FBXW7: variants seen among roughly 807,000 people sequenced by gnomAD.
FBXW7 encodes F-box and WD repeat domain containing 7, also known as F-box/WD repeat-containing protein 7.
A neutral mutation model predicts 86.3 loss-of-function variants in FBXW7; 11 were observed. The observed-to-expected ratio is 0.13, with a 90% CI of 0.08 to 0.21. The LOEUF (loss-of-function observed/expected upper bound fraction) is 0.21. Among genes scored for constraint, FBXW7 ranks in the 10% least tolerant of loss-of-function variants. The pLI is 1.00. For missense variants in FBXW7, 488 were observed against 847.4 expected (o/e 0.58, Z 5.27); for synonymous variants, 313 against 297.9 (o/e 1.05, Z -0.52).
intron 2 of FBXW7, among the ~76,000 whole-genome samples, chr4:152,434,965 C>CA (rs1560893695): frequency 6.6e-6 from 1 of 150,452 alleles, no homozygotes; most frequent in Admixed American, 6.6e-5. Context: ...CGCTCCCCCC[C>CA]CCCCACACAC....
intron 2 of FBXW7, among the ~76,000 whole-genome samples, chr4:152,421,585 C>G (rs977274577): frequency 2.0e-5 from 3 of 152,332 alleles, no homozygotes; most frequent in Non-Finnish European, 4.4e-5. Flanking sequence ...TTCCTCTGTA[C>G]TCACAACTTG....
intron 2 of FBXW7, among the ~76,000 whole-genome samples, chr4:152,526,610 A>G (rs1749536934): frequency 6.6e-6 from 1 of 152,222 alleles, no homozygotes; most frequent in Admixed American, 6.5e-5. Context: ...GACACAGATA[A>G]AATTTCCGTT....
Position 152,480,980 on chromosome 4 carries a change from T to C in FBXW7, c.-120+53961A>G, listed in dbSNP as rs976709922. Among the ~76,000 whole-genome samples, 7 of 152,316 alleles carry C rather than the reference T, an allele frequency of 4.6e-5. No individual in the cohort carries two copies. In the East Asian group the frequency reaches 1.3e-3, roughly 29 times the overall value. ...ATCTAACTAAGATCACTGATGAAGG[T>C]GGCTACACTAAACAACAGATTTTCA... On this transcript the variant is annotated intron_variant, in intron 2 of 13. Transcript: ENST00000281708.
Position 152,325,894 on chromosome 4 carries a change from T to C in FBXW7, c.1644+112A>G, listed in dbSNP as rs1049970490. ...CGTATATAAAAACAGCAGAATAATC[T>C]GATTAATCTTTTTTGGACTGTACTG... On this transcript the variant is annotated intron_variant, in intron 12 of 13. Transcript: ENST00000281708. The C allele has an allele frequency of 5.2e-6, 4 of 763,618 alleles. No homozygotes were observed. The African/African-American group carries it at 7.0e-5, about 13-fold the overall frequency. 47.3% of individuals were successfully genotyped at this position (763,618 alleles called of 1,614,324 possible). A position where few individuals can be genotyped will look rare whatever the true frequency, so the allele number is the denominator to read the frequency against.
At chr4:152,516,414 T>C (rs2149722495) in intron 2 of FBXW7, among the ~76,000 whole-genome samples, 1 of 152,312 alleles carries the variant, frequency 6.6e-6, no homozygotes, top group South Asian at 2.1e-4. Context: ...GAGAACCTAA[T>C]GCCTGATGAT....
intron 2 of FBXW7, among the ~76,000 whole-genome samples, chr4:152,504,823 T>C (rs1747266067): frequency 6.6e-6 from 1 of 152,204 alleles, no homozygotes; most frequent in Non-Finnish European, 1.5e-5. Flanking sequence ...AACAATTTTT[T>C]TTATAAATTA....
At chr4:152,434,712 C>T (rs1398724278) in intron 2 of FBXW7, among the ~76,000 whole-genome samples, 3 of 151,940 alleles carry the variant, frequency 2.0e-5, no homozygotes, top group East Asian at 3.9e-4. Flanking sequence ...AGACAAAAAT[C>T]GTTAAAGAGA....
chr4:152,454,783 T>A (rs1480915653), intron 2 of FBXW7, among the ~76,000 whole-genome samples: 4 of 152,140 alleles, frequency 2.6e-5, no homozygotes, highest in African/African-American at 9.7e-5. Flanking sequence ...AAGATAAGGA[T>A]AAAGACTGAA....
chr4:152,332,497 A>G (rs771083486), intron 8 of FBXW7, 99 bp downstream of exon 8: 10 of 1,195,388 alleles, frequency 8.4e-6, no homozygotes, highest in South Asian at 2.1e-5. Flanking sequence ...GGATTTTATC[A>G]TAAGTAGCTG....
rs57894523 is a variant in FBXW7, at chr4:152,419,494, A to AACACACACACACACACAC, written c.-119-6983_-119-6966dup. On this transcript the variant is annotated intron_variant, in intron 2 of 13. Coordinates refer to ENST00000281708, the MANE Select transcript of FBXW7 (RefSeq NM_001349798.2). ...TGGTAAGGCCCACTAGGATAAGGTA[A>AACACACACACACACACAC]ACACACACACACACACACACACACA... Among the ~76,000 whole-genome samples, 185 of 123,332 alleles carry AACACACACACACACACAC rather than the reference A, an allele frequency of 1.5e-3. 1 individual carries two copies. The highest frequency in any genetic ancestry group is 4.0e-3 in the Middle Eastern group (1 of 250). The allele number at this position is 123,332 out of a possible 152,430, so 80.9% of individuals were successfully genotyped here.
At chr4:152,459,406 A>G (rs1742731751) in intron 2 of FBXW7, among the ~76,000 whole-genome samples, 1 of 152,234 alleles carries the variant, frequency 6.6e-6, no homozygotes, top group Non-Finnish European at 1.5e-5. Context: ...ACAGTATCAT[A>G]GCCAAATCAG....
intron 2 of FBXW7, among the ~76,000 whole-genome samples, chr4:152,497,534 T>C (rs945222709): frequency 2.6e-5 from 4 of 152,066 alleles, no homozygotes; most frequent in Admixed American, 2.0e-4. Context: ...TCAAAAACTA[T>C]GCAAAGACAT....
At chr4:152,522,964 A>G (rs2149734113) in intron 2 of FBXW7, among the ~76,000 whole-genome samples, 1 of 152,352 alleles carries the variant, frequency 6.6e-6, no homozygotes, top group South Asian at 2.1e-4. Flanking sequence ...AGCATTTATC[A>G]TCTGACACTT....
At chr4:152,515,460 T>C (rs1193341910) in intron 2 of FBXW7, among the ~76,000 whole-genome samples, 3 of 152,158 alleles carry the variant, frequency 2.0e-5, no homozygotes, top group East Asian at 3.9e-4. Flanking sequence ...AAAGCAACAA[T>C]GCTTTACAAA....
chr4:152,479,419 G>A (rs77656491), intron 2 of FBXW7, among the ~76,000 whole-genome samples: 4 of 152,176 alleles, frequency 2.6e-5, no homozygotes, highest in East Asian at 1.9e-4. Flanking sequence ...GAAAATTTAT[G>A]TATAACATTT....
chr4:152,423,846 C>T (rs1739150983), intron 2 of FBXW7, among the ~76,000 whole-genome samples: 1 of 152,122 alleles, frequency 6.6e-6, no homozygotes, highest in African/African-American at 2.4e-5. Context: ...TGCTAGACTG[C>T]TTTCTAGAAG....
rs1560754387 is a variant in FBXW7 at position 152,323,155 on chromosome 4, CA to C, written c.1856-7del. On this transcript the variant is annotated splice_region_variant and splice_polypyrimidine_tract_variant and intron_variant, in intron 13 of 13. Coordinates refer to ENST00000281708, the MANE Select transcript of FBXW7 (RefSeq NM_001349798.2). ...ACTCTGATGCTTGTTGGGACCTAGA[CA>C]AAAACCAAAAGAATTTAATTACTGG... 1.2e-6 allele frequency: 2 copies of C among 1,609,554 alleles called. No individual in the cohort carries two copies. Among genetic ancestry groups the C allele is most frequent in the Non-Finnish European group, 1.7e-6 (2 of 1,176,862 alleles).
At chr4:152,485,920 A>C (rs1226741584) in intron 2 of FBXW7, among the ~76,000 whole-genome samples, 1 of 152,170 alleles carries the variant, frequency 6.6e-6, no homozygotes, top group Non-Finnish European at 1.5e-5. Flanking sequence ...ATCTTCTGAG[A>C]AATGTGTTTG....
chr4:152,472,932 T>C (rs1199294571), intron 2 of FBXW7, among the ~76,000 whole-genome samples: 2 of 152,180 alleles, frequency 1.3e-5, no homozygotes, highest in African/African-American at 2.4e-5. Context: ...CTCTGGTCAT[T>C]TTATATAAAT....
Sources: allele counts gnomAD v4.1 joint callset (sites outside exome capture counted in the v4.1 genomes callset), GRCh38; gene constraint gnomAD v4.1.1; transcripts MANE v1.5; gene names NCBI Gene and HGNC (gene_info 2026-07-23, HGNC 2026-07-21).